The following POLE variants were observed in gnomAD, a reference collection of about 807,000 sequenced individuals.
POLE encodes the protein DNA polymerase epsilon catalytic subunit A.
Under a neutral mutation model 279.2 loss-of-function variants are expected in POLE, and 188 were observed. The observed-to-expected ratio is 0.67, with a 90% confidence interval of 0.60 to 0.76. POLE has a LOEUF of 0.76. POLE is among the 30% of genes least tolerant of loss of function. The probability of loss-of-function intolerance (pLI) is 0.00; values close to 1 mark genes in which losing one functional copy is unlikely to be tolerated. For missense variants in POLE, 2,703 were observed against 3,016.7 expected (o/e 0.90, Z 2.44); for synonymous variants, 1,214 against 1,172.5 (o/e 1.04, Z -0.72).
At position 132,624,816 on chromosome 12, in the gene POLE, G is replaced by A. The variant is rs750255126; in HGVS notation, c.6748-6C>T. On this transcript the variant is annotated splice_region_variant and splice_polypyrimidine_tract_variant and intron_variant, in intron 48 of 48. Transcript: ENST00000320574. ...CCGATCTGTTCCATGAAGACCTGCA[G>A]GAATAAACAGGCACAGTGAGACCCC... is the stretch of plus-strand genomic sequence containing the variant. The A allele has an allele frequency of 5.6e-6, 9 of 1,603,280 alleles. No individual in the cohort carries two copies. The highest frequency in any genetic ancestry group is 7.7e-6 in the Non-Finnish European group (9 of 1,170,216).
At chr12:132,626,038 C>G (rs1055093799) in intron 46 of POLE, 79 bp downstream of exon 46, 4 of 1,391,370 alleles carry the variant, frequency 2.9e-6, no homozygotes, top group South Asian at 1.2e-5. Flanking sequence ...AGAGCTGGAG[C>G]TGCAGAAGCC....
intron 42 of POLE, 111 bp downstream of exon 42, chr12:132,635,781 G>T: frequency 9.2e-7 from 1 of 1,085,186 alleles, no homozygotes; most frequent in Non-Finnish European, 1.3e-6. Flanking sequence ...TGCGGGTGCA[G>T]TGTCTGCTGC....
In POLE at chr12:132,679,565, G is replaced by T. The variant is rs374074035; in HGVS notation, c.510C>A (p.Ile170=). 1.3e-5 allele frequency: 21 copies of T among 1,614,000 alleles called. No homozygotes were observed. The highest frequency in any genetic ancestry group is 1.7e-5 in the Non-Finnish European group (20 of 1,179,958). ...VEDLVKVRKE[I]SPAVKKNREQ... ...CCCTGTTCTTCTTCACGGCAGGGGA[G>T]ATCTCCTTCCTCACTTTGACAAGAT... is the stretch of plus-strand genomic sequence containing the variant. Residue 170 remains isoleucine (I), a synonymous_variant, in exon 6 of 49, where the codon ATC becomes ATA. Coordinates refer to ENST00000320574, the MANE Select transcript of POLE (RefSeq NM_006231.4).
rs2135975259 is a variant in POLE, at chr12:132,668,418, G to A, written c.2111C>T (p.Ala704Val). 6.2e-7 allele frequency: 1 copy of A among 1,612,772 alleles called. No homozygotes were observed. The highest frequency in any genetic ancestry group is 8.5e-7 in the Non-Finnish European group (1 of 1,179,288). ...KFPPLFPEGPARAFHELSREE... is the reference protein window; with the variant it reads ...KFPPLFPEGPVRAFHELSREE... ...GCGGGACAGTTCATGAAAGGCCCGAGCTGGCCCCTCTGGGAACAAGGGGGG... is the reference window on the plus strand; with the variant it reads ...GCGGGACAGTTCATGAAAGGCCCGAACTGGCCCCTCTGGGAACAAGGGGGG... Residue 704 changes from alanine to valine, a missense_variant, in exon 19 of 49, where the codon GCT (alanine) becomes GTT (valine). This residue lies in a region of POLE where 1,011 missense variants were observed against 1,111.7 expected (regional missense o/e 0.91). Coordinates refer to ENST00000320574, the MANE Select transcript of POLE (RefSeq NM_006231.4). The surrounding 1 kb of genome is among the most constrained non-coding windows in gnomAD (Gnocchi z 4.0).
chr12:132,676,331 G>A (rs2136014547), intron 9 of POLE, 127 bp from the exon 10 acceptor site: 1 of 746,988 alleles, frequency 1.3e-6, no homozygotes, highest in East Asian at 2.6e-5. Context: ...ATGTGAAAGT[G>A]CTTTAAGCTT....
chr12:132,670,902 T>C (rs1284231584), intron 16 of POLE, among the ~76,000 whole-genome samples: 1 of 152,208 alleles, frequency 6.6e-6, no homozygotes, highest in African/African-American at 2.4e-5. Context: ...AGCCAAACAG[T>C]GCTTCACAGC....
intron 23 of POLE, among the ~76,000 whole-genome samples, chr12:132,662,060 A>G (rs2042694130): frequency 6.6e-6 from 1 of 152,234 alleles, no homozygotes. Context: ...GGACACACAC[A>G]CTATGCACTT....
rs943232773 is a variant in POLE at position 132,661,237 on chromosome 12, C to T, written c.2865-73G>A. 1 of 1,332,288 alleles carries T rather than the reference C, an allele frequency of 7.5e-7. No homozygotes were observed. The highest frequency in any genetic ancestry group is 1.5e-5 in the African/African-American group (1 of 68,112). 82.5% of individuals were successfully genotyped at this position (1,332,288 alleles called of 1,614,324 possible). On this transcript the variant is annotated intron_variant, in intron 24 of 48. Transcript: ENST00000320574. This position sits in a 1 kb window ranked among gnomAD's most constrained non-coding sequence, Gnocchi z 4.1. Reference sequence around the variant, plus strand: ...GGAGCCACCAGCTGTGCCTCATCCTCTCTGCCCGCCTCTTCCCTTTCCAAC... The same window carrying T: ...GGAGCCACCAGCTGTGCCTCATCCTTTCTGCCCGCCTCTTCCCTTTCCAAC...
chr12:132,674,382 A>G (rs917221750), intron 12 of POLE, among the ~76,000 whole-genome samples: 2 of 151,054 alleles, frequency 1.3e-5, no homozygotes, highest in Admixed American at 1.3e-4. Context: ...ACCAAGACCC[A>G]CCCGCAACCC....
At chr12:132,685,651 A>G (rs1001430551) in intron 1 of POLE, among the ~76,000 whole-genome samples, 2 of 152,372 alleles carry the variant, frequency 1.3e-5, no homozygotes, top group South Asian at 4.1e-4. Context: ...ACGTGAGTGC[A>G]GTCCTGTGTC....
At chr12:132,669,125 G>C (rs966456481) in intron 16 of POLE, among the ~76,000 whole-genome samples, 186 bp from the exon 17 acceptor site, 1 of 152,056 alleles carries the variant, frequency 6.6e-6, no homozygotes, top group Non-Finnish European at 1.5e-5. Flanking sequence ...AAATTTGGTG[G>C]AGTCATTAGA....
rs1043306224 is a variant in POLE, at chr12:132,643,445, T to C, written c.4406A>G (p.Glu1469Gly). 1 of 1,614,076 alleles carries C rather than the reference T, an allele frequency of 6.2e-7. No individual in the cohort carries two copies. Among genetic ancestry groups the C allele is most frequent in the Non-Finnish European group, 8.5e-7 (1 of 1,180,044 alleles). Residue 1469 changes from glutamate (E) to glycine (G), a missense_variant, in exon 34 of 49, where the codon GAG (glutamate) becomes GGG (glycine). By Grantham distance (98) the Glu-to-Gly change is moderately conservative. Around this residue, in one of 5 missense-constraint regions of POLE, gnomAD observed 1,551 missense variants for 1,686.1 expected, o/e 0.92. Transcript: ENST00000320574. ...GCTGAACTGGGCCAGAGAGCGCATCTCCAGGTGCTCAAGAGCAAAGGTCTC... is the reference window on the plus strand; with the variant it reads ...GCTGAACTGGGCCAGAGAGCGCATCCCCAGGTGCTCAAGAGCAAAGGTCTC... ...EAETFALEHLEMRSLAQFSYL... is the reference protein window; with the variant it reads ...EAETFALEHLGMRSLAQFSYL...
chr12:132,675,360 G>T lies in POLE; in HGVS notation c.1226+38C>A. On this transcript the variant is annotated intron_variant, in intron 12 of 48. Transcript: ENST00000320574. This position sits in a 1 kb window ranked among gnomAD's most constrained non-coding sequence, Gnocchi z 4.3. Reference sequence around the variant, plus strand: ...AAGAGGCCTTCAGATCTCGCTCACGGACAGCAGTGAGGAGCCATGCTGCTC... The same window carrying T: ...AAGAGGCCTTCAGATCTCGCTCACGTACAGCAGTGAGGAGCCATGCTGCTC... 6.2e-7 allele frequency: 1 copy of T among 1,606,968 alleles called. No homozygotes were observed. Among genetic ancestry groups the T allele is most frequent in the South Asian group, 1.1e-5 (1 of 90,182 alleles).
Position 132,661,562 on chromosome 12 carries a change from T to G in POLE, c.2829A>C (p.Pro943=). The G allele has an allele frequency of 6.2e-7, 1 of 1,614,228 alleles. No homozygotes were observed. The highest frequency in any genetic ancestry group is 8.5e-7 in the Non-Finnish European group (1 of 1,180,028). The change falls in exon 24 of 49, where the codon CCA becomes CCC. Residue 943 remains proline (P), a synonymous_variant. Coordinates refer to ENST00000320574, the MANE Select transcript of POLE (RefSeq NM_006231.4). This position sits in a 1 kb window ranked among gnomAD's most constrained non-coding sequence, Gnocchi z 4.1. ...ATTTCTTGCCTTCTTCCTTGGAGGC[T>G]GGAAGAATCATGGCAAGGTAGGGCC... ...VDGPYLAMIL[P]ASKEEGKKLK... is the part of the protein sequence containing the mutation.
chr12:132,635,615 T>A (rs1284277243), intron 42 of POLE, among the ~76,000 whole-genome samples: 1 of 152,244 alleles, frequency 6.6e-6, no homozygotes, highest in Non-Finnish European at 1.5e-5. Flanking sequence ...ACAACTATGG[T>A]GCACTTCATC....
chr12:132,677,708 C>T lies in POLE; in HGVS notation c.590G>A (p.Arg197Lys), dbSNP rs528361482. ...YTALLSSVLQ[R>K]GGVITDEEET... is the part of the protein sequence containing the mutation. ...CTCTTCATCAGTAATGACACCGCCC[C>T]TCTGCAGAACACTAGGAATTAACAA... The change falls in exon 7 of 49, where the codon AGG becomes AAG. Residue 197 changes from arginine to lysine, a missense_variant. Physicochemically the swap from Arg to Lys is conservative, Grantham distance 26. Around this residue, in one of 5 missense-constraint regions of POLE, gnomAD observed 1,011 missense variants for 1,111.7 expected, o/e 0.91. Transcript: ENST00000320574. 6.2e-7 allele frequency: 1 copy of T among 1,614,060 alleles called. No individual in the cohort carries two copies. The highest frequency in any genetic ancestry group is 1.1e-5 in the South Asian group (1 of 91,070).
rs1277455162 is a variant in POLE at position 132,677,241 on chromosome 12, T to TA, written c.801+121dup. ...AATTCTAACTCCATATTTCCTTTAA[T>TA]AAAGTATTTGGGGGAAAAGCAGCAA... On this transcript the variant is annotated intron_variant, in intron 8 of 48. Transcript: ENST00000320574. The TA allele has an allele frequency of 5.3e-6, 4 of 750,554 alleles. No homozygotes were observed. The East Asian group carries it at 1.0e-4, about 19-fold the overall frequency. The allele number at this position is 750,554 out of a possible 1,614,324, so 46.5% of individuals were successfully genotyped here.
intron 13 of POLE, 108 bp from the exon 14 acceptor site, chr12:132,673,385 T>C: frequency 1.7e-6 from 2 of 1,151,690 alleles, no homozygotes; most frequent in South Asian, 2.6e-5. Context: ...GCACACACAG[T>C]AAGGAGACCG....
At chr12:132,640,577 G>T (rs112876931) in intron 39 of POLE, among the ~76,000 whole-genome samples, 17 of 152,378 alleles carry the variant, frequency 1.1e-4, no homozygotes, top group Middle Eastern at 3.4e-3. Context: ...TTCCCATGGG[G>T]CAGAGATGCC....
Sources: gnomAD v4.1 joint callset for allele counts (sites outside exome capture counted in the v4.1 genomes callset) on GRCh38, gnomAD v4.1.1 for gene constraint, gnomAD v4.1.1 regional missense constraint, Gnocchi (gnomAD v3.1) non-coding constraint, MANE v1.5 for transcripts, NCBI Gene and HGNC (gene_info 2026-07-23, HGNC 2026-07-21) for gene names.